The following MYO10 variants were observed in gnomAD, a reference collection of about 807,000 sequenced individuals.
MYO10 encodes myosin X.
Under a neutral mutation model 257.3 loss-of-function variants are expected in MYO10, and 133 were observed. The ratio of observed to expected loss-of-function variants is 0.52; its 90% CI spans 0.45 to 0.60. The LOEUF (loss-of-function observed/expected upper bound fraction) is 0.60, where lower values mean the gene tolerates loss of function less well. MYO10 is among the 20% of genes least tolerant of loss of function. MYO10 has a pLI of 0.00. For synonymous variants in MYO10, 1,104 were observed against 1,028.6 expected (o/e 1.07, Z -1.40); for missense variants, 2,399 against 2,635.7 (o/e 0.91, Z 1.97).
chr5:16,669,451 GC>G (rs1736339294), intron 39 of MYO10, among the ~76,000 whole-genome samples: 1 of 152,044 alleles, frequency 6.6e-6, no homozygotes, highest in Admixed American at 6.5e-5. Flanking sequence ...TGATCCGCCC[GC>G]CTTGGCCTCC....
intron 21 of MYO10, 51 bp from the exon 22 acceptor site, chr5:16,704,736 G>A: frequency 7.0e-7 from 1 of 1,435,100 alleles, no homozygotes; most frequent in South Asian, 1.2e-5. Flanking sequence ...GCCAGCAGAA[G>A]GAAGGCATTT....
intron 19 of MYO10, among the ~76,000 whole-genome samples, chr5:16,715,681 A>G (rs1004205914): frequency 7.9e-5 from 12 of 151,686 alleles, no homozygotes; most frequent in Non-Finnish European, 1.5e-4. Flanking sequence ...AAATTTTAAA[A>G]CTCACTGAAT....
chr5:16,701,218 G>C lies in MYO10; in HGVS notation c.3177C>G (p.Asp1059Glu). 1 of 1,612,356 alleles carries C rather than the reference G, an allele frequency of 6.2e-7. No homozygotes were observed. The highest frequency in any genetic ancestry group is 8.5e-7 in the Non-Finnish European group (1 of 1,179,250). ...TGGAGGAGTTGTGTAGGCTCCCGGAGTCCTGCACTGATGGGGCGAGCAGCA... is the reference window on the plus strand; with the variant it reads ...TGGAGGAGTTGTGTAGGCTCCCGGACTCCTGCACTGATGGGGCGAGCAGCA... ...STVLLAPSVQ[D>E]SGSLHNSSSG... Residue 1059 changes from aspartate (D) to glutamate (E), a missense_variant, in exon 25 of 41, where the codon GAC becomes GAG. Physicochemically the swap from Asp to Glu is conservative, Grantham distance 45. Coordinates refer to ENST00000513610, the MANE Select transcript of MYO10 (RefSeq NM_012334.3). This position sits in a 1 kb window ranked among gnomAD's most constrained non-coding sequence, Gnocchi z 8.1.
At position 16,857,690 on chromosome 5, in the gene MYO10, A is replaced by G. The variant is rs1453073798; in HGVS notation, c.120+19919T>C. 2.6e-5 allele frequency among the ~76,000 whole-genome samples: 4 copies of G among 152,184 alleles called. No homozygotes were observed. The East Asian group carries it at 7.7e-4, about 29-fold the overall frequency. On this transcript the variant is annotated intron_variant, in intron 2 of 40. Coordinates refer to ENST00000513610, the MANE Select transcript of MYO10 (RefSeq NM_012334.3). Reference sequence around the variant, plus strand: ...GCCACTGCCCCACAGGTAGCAAGAAACATGAGTTTTGCCACGGGCTACTTT... The same window carrying G: ...GCCACTGCCCCACAGGTAGCAAGAAGCATGAGTTTTGCCACGGGCTACTTT...
At position 16,675,222 on chromosome 5, in the gene MYO10, T is replaced by C. The variant is rs545168649; in HGVS notation, c.4667-72A>G. The C allele has an allele frequency of 1.7e-5, 26 of 1,498,176 alleles. 1 individual carries two copies. In the South Asian group the frequency reaches 2.4e-4, roughly 14 times the overall value. 92.8% of individuals were successfully genotyped at this position (1,498,176 alleles called of 1,614,324 possible). A position where few individuals can be genotyped will look rare whatever the true frequency, so the allele number is the denominator to read the frequency against. ...TAGGGCATGAGCATAATCGGAGCAG[T>C]AGTCAAGACAAAGGAATAAATGAGG... is the stretch of plus-strand genomic sequence containing the variant. On this transcript the variant is annotated intron_variant, in intron 34 of 40. Coordinates refer to ENST00000513610, the MANE Select transcript of MYO10 (RefSeq NM_012334.3).
At chr5:16,772,484 T>C (rs1741084506) in intron 9 of MYO10, among the ~76,000 whole-genome samples, 1 of 152,238 alleles carries the variant, frequency 6.6e-6, no homozygotes. Flanking sequence ...GGCACAGTTA[T>C]ATTTACAGTA....
Position 16,710,997 on chromosome 5 carries a change from C to T in MYO10, c.2080G>A (p.Ala694Thr). The change falls in exon 21 of 41, where the codon GCT (alanine) becomes ACT (threonine). Residue 694 changes from alanine to threonine, a missense_variant. Coordinates refer to ENST00000513610, the MANE Select transcript of MYO10 (RefSeq NM_012334.3). ...KRYKVLMRNL[A>T]LPEDVRGKCT... ...TTCCCTCGGACGTCCTCAGGCAGAGCCAGATTCCTCATCAGCACTTTATAC... is the reference window on the plus strand; with the variant it reads ...TTCCCTCGGACGTCCTCAGGCAGAGTCAGATTCCTCATCAGCACTTTATAC... The T allele has an allele frequency of 1.9e-6, 3 of 1,613,946 alleles. No individual in the cohort carries two copies. Among genetic ancestry groups the T allele is most frequent in the Non-Finnish European group, 2.5e-6 (3 of 1,179,878 alleles).
chr5:16,767,844 A>AT (rs1466129214), intron 10 of MYO10, among the ~76,000 whole-genome samples: 1 of 151,840 alleles, frequency 6.6e-6, no homozygotes, highest in Non-Finnish European at 1.5e-5. Flanking sequence ...CGCCTGGCTA[A>AT]TTTTTGTATT....
At chr5:16,822,432 A>G (rs1198719933) in intron 2 of MYO10, among the ~76,000 whole-genome samples, 2 of 152,148 alleles carry the variant, frequency 1.3e-5, no homozygotes, top group African/African-American at 4.8e-5. Context: ...AAACAAATAT[A>G]CAAGTGAATA....
At chr5:16,849,131 T>C (rs1377433556) in intron 2 of MYO10, among the ~76,000 whole-genome samples, 1 of 152,116 alleles carries the variant, frequency 6.6e-6, no homozygotes, top group African/African-American at 2.4e-5. Context: ...ATTAATTAGG[T>C]ATTTTTAAAG....
At chr5:16,695,329 G>A (rs1322206963) in intron 26 of MYO10, among the ~76,000 whole-genome samples, 2 of 152,068 alleles carry the variant, frequency 1.3e-5, no homozygotes, top group African/African-American at 2.4e-5. Context: ...GTGAGACTCC[G>A]TCTCAAAAAA....
intron 3 of MYO10, chr5:16,814,647 G>A (rs966190732): frequency 1.3e-5 from 2 of 152,092 alleles, no homozygotes; most frequent in African/African-American, 2.4e-5. Context: ...CGATGTGAGC[G>A]GAGTCCAACA....
intron 19 of MYO10, among the ~76,000 whole-genome samples, chr5:16,718,282 G>GC (rs1398739932): frequency 6.6e-6 from 1 of 152,136 alleles, no homozygotes; most frequent in East Asian, 1.9e-4. Flanking sequence ...GACGAGCACC[G>GC]CCCCCTGCTC....
At chr5:16,868,988 T>C (rs930834369) in intron 2 of MYO10, among the ~76,000 whole-genome samples, 7 of 151,984 alleles carry the variant, frequency 4.6e-5, no homozygotes, top group Admixed American at 4.6e-4. Context: ...AAAGCATGGG[T>C]TGGGCAGTGG....
At chr5:16,756,625 C>A (rs1254577837) in intron 18 of MYO10, among the ~76,000 whole-genome samples, 1 of 152,182 alleles carries the variant, frequency 6.6e-6, no homozygotes, top group East Asian at 1.9e-4. Context: ...TATTTTGATA[C>A]CATCTTAAAT....
rs186771171 is a variant in MYO10, at chr5:16,910,370, T to A, written c.21+25418A>T. ...TTGAGTTGAGTCCAGAAAGACTGAC[T>A]TGCCCAAGTTTGCACAGCTGACAAA... On this transcript the variant is annotated intron_variant, in intron 1 of 40. Transcript: ENST00000513610. 2.1e-4 allele frequency among the ~76,000 whole-genome samples: 32 copies of A among 152,314 alleles called. No homozygotes were observed. The East Asian group carries it at 6.2e-3, about 29-fold the overall frequency.
At chr5:16,804,910 C>CA (rs1387782225) in intron 3 of MYO10, among the ~76,000 whole-genome samples, 2 of 151,556 alleles carry the variant, frequency 1.3e-5, no homozygotes, top group African/African-American at 4.9e-5. Context: ...GACCCCACCT[C>CA]AAAAAAAATT....
chr5:16,805,655 G>C (rs760746808), intron 3 of MYO10, among the ~76,000 whole-genome samples: 2 of 152,100 alleles, frequency 1.3e-5, no homozygotes, highest in Non-Finnish European at 2.9e-5. Flanking sequence ...GCCACGTACC[G>C]GTTTCCTCAT....
chr5:16,912,846 ACAC>A (rs1745703584), intron 1 of MYO10, among the ~76,000 whole-genome samples: 1 of 145,764 alleles, frequency 6.9e-6, no homozygotes, highest in African/African-American at 2.7e-5. Flanking sequence ...ACACACACAC[ACAC>A]CATGGTACCT....
Sources: gnomAD v4.1 joint callset for allele counts (sites outside exome capture counted in the v4.1 genomes callset) on GRCh38, gnomAD v4.1.1 for gene constraint, Gnocchi (gnomAD v3.1) non-coding constraint, MANE v1.5 for transcripts, NCBI Gene and HGNC (gene_info 2026-07-23, HGNC 2026-07-21) for gene names.